TFDP2: variants seen among roughly 807,000 people sequenced by gnomAD.
TFDP2 encodes transcription factor Dp-2, also known as transcription factor Dp-2 (E2F dimerization partner 2).
A neutral mutation model predicts 59.3 loss-of-function variants in TFDP2; 17 were observed. That is an observed-to-expected ratio of 0.29 (90% CI 0.20 to 0.43). The LOEUF (loss-of-function observed/expected upper bound fraction) is 0.43, where lower values mean the gene tolerates loss of function less well. Ranked by LOEUF, TFDP2 falls within the 20% of genes least tolerant of loss-of-function variation. The pLI is 1.00. For synonymous variants in TFDP2, 180 were observed against 194.7 expected, an observed-to-expected ratio of 0.92 and a Z score of 0.63; for missense variants, 391 against 528.8, an observed-to-expected ratio of 0.74 and a Z score of 2.56.
chr3:142,080,546 C>T (rs1160994654), intron 3 of TFDP2, among the ~76,000 whole-genome samples: 2 of 152,092 alleles, frequency 1.3e-5, no homozygotes, highest in Non-Finnish European at 2.9e-5. Context: ...AATCAAAAGA[C>T]ATAGAGTGGC....
intron 1 of TFDP2, among the ~76,000 whole-genome samples, chr3:142,148,635 G>A (rs1453203020): frequency 1.3e-5 from 2 of 152,122 alleles, no homozygotes; most frequent in East Asian, 3.8e-4. Flanking sequence ...CGAGATCCTA[G>A]GAAAACCCTT....
chr3:141,969,201 T>TATAA (rs1233101755), intron 9 of TFDP2, among the ~76,000 whole-genome samples: 1 of 91,478 alleles, frequency 1.1e-5, no homozygotes, highest in East Asian at 2.7e-4. Context: ...GATATATATA[T>TATAA]ATAACATATA....
At chr3:142,135,965 T>G (rs959767560) in intron 1 of TFDP2, among the ~76,000 whole-genome samples, 1 of 152,102 alleles carries the variant, frequency 6.6e-6, no homozygotes, top group African/African-American at 2.4e-5. Flanking sequence ...TTCTAGATCC[T>G]TGAGGAATCG....
chr3:142,083,411 T>A (rs2060706719), intron 3 of TFDP2, among the ~76,000 whole-genome samples: 1 of 152,168 alleles, frequency 6.6e-6, no homozygotes, highest in Non-Finnish European at 1.5e-5. Context: ...ATCAGTATTG[T>A]TAAAATGTCC....
chr3:142,051,495 C>T (rs1044043649), intron 3 of TFDP2, among the ~76,000 whole-genome samples: 5 of 151,430 alleles, frequency 3.3e-5, no homozygotes, highest in African/African-American at 4.9e-5. Flanking sequence ...TGCACTTCAG[C>T]CTGGGAGACA....
At position 142,046,738 on chromosome 3, in the gene TFDP2, C is replaced by T. The variant is rs574569831; in HGVS notation, c.83-41194G>A. Reference sequence around the variant, plus strand: ...GGGATCAATCTTCATTTCTACTCATCGAAATTCCTCCTGTTGCCTGGCACA... The same window carrying T: ...GGGATCAATCTTCATTTCTACTCATTGAAATTCCTCCTGTTGCCTGGCACA... On this transcript the variant is annotated intron_variant, in intron 3 of 12. Coordinates refer to ENST00000489671, the MANE Select transcript of TFDP2 (RefSeq NM_001178139.2). Among the ~76,000 whole-genome samples the T allele has an allele frequency of 7.9e-5, 12 of 152,258 alleles. No homozygotes were observed. The East Asian group carries it at 1.9e-3, about 25-fold the overall frequency.
chr3:142,113,764 G>A (rs972728826), intron 1 of TFDP2, among the ~76,000 whole-genome samples: 5 of 152,078 alleles, frequency 3.3e-5, no homozygotes, highest in Non-Finnish European at 7.3e-5. Context: ...TGCTTATTTA[G>A]AATACGACTG....
rs1386121300 is a variant in TFDP2 at position 141,985,549 on chromosome 3, A to G, written c.357-6867T>C. 2.1e-5 allele frequency among the ~76,000 whole-genome samples: 3 copies of G among 144,326 alleles called. No individual in the cohort carries two copies. The South Asian group carries it at 6.7e-4, about 32-fold the overall frequency. The allele number at this position is 144,326 out of a possible 152,430, so 94.7% of individuals were successfully genotyped here. ...AAAAAAAAAAAAAAAAAAAACACCT[A>G]TTTTTTCTTCATAGATTTTCTATAT... On this transcript the variant is annotated intron_variant, in intron 6 of 12. Coordinates refer to ENST00000489671, the MANE Select transcript of TFDP2 (RefSeq NM_001178139.2).
chr3:142,148,764 A>G (rs945996939), intron 1 of TFDP2, among the ~76,000 whole-genome samples: 16 of 152,232 alleles, frequency 1.1e-4, no homozygotes, highest in African/African-American at 3.1e-4. Context: ...GGTTCTTCCA[A>G]GCACACAAAG....
At chr3:142,084,788 G>T (rs2060755028) in intron 3 of TFDP2, among the ~76,000 whole-genome samples, 1 of 152,078 alleles carries the variant, frequency 6.6e-6, no homozygotes, top group African/African-American at 2.4e-5. Flanking sequence ...TGAACACGTG[G>T]AGACAGAAAA....
chr3:142,018,304 T>C (rs1945303160), intron 3 of TFDP2, among the ~76,000 whole-genome samples: 1 of 152,198 alleles, frequency 6.6e-6, no homozygotes, highest in Non-Finnish European at 1.5e-5. Context: ...GTCTATTTAT[T>C]GAGCTCCTGA....
At chr3:142,117,722 T>G (rs2061893702) in intron 1 of TFDP2, among the ~76,000 whole-genome samples, 1 of 152,162 alleles carries the variant, frequency 6.6e-6, no homozygotes, top group South Asian at 2.1e-4. Flanking sequence ...ACAGTGCTTC[T>G]GGGGGAGAAC....
intron 3 of TFDP2, among the ~76,000 whole-genome samples, chr3:142,065,161 T>C (rs944266635): frequency 3.9e-5 from 6 of 152,244 alleles, no homozygotes; most frequent in Admixed American, 3.9e-4. Context: ...AAGATTTTTT[T>C]TTTTTTGAGA....
At position 142,005,432 on chromosome 3, in the gene TFDP2, T is replaced by C. The variant is rs372114336; in HGVS notation, c.186+9A>G. On this transcript the variant is annotated intron_variant, in intron 4 of 12. Transcript: ENST00000489671. ...AAGTTTCAATTCTAAGATTTGATAA[T>C]TTTCTTACCATTTGGGGTCCAACAT... The C allele has an allele frequency of 1.9e-6, 3 of 1,572,614 alleles. No individual in the cohort carries two copies. Among genetic ancestry groups the C allele is most frequent in the South Asian group, 1.1e-5 (1 of 87,504 alleles).
intron 3 of TFDP2, among the ~76,000 whole-genome samples, chr3:142,012,766 T>C (rs1944821784): frequency 6.6e-6 from 1 of 152,130 alleles, no homozygotes; most frequent in Non-Finnish European, 1.5e-5. Context: ...ATGAGTAGCA[T>C]GGAGGAAGCA....
At chr3:141,979,036 G>A (rs1345527837) in intron 6 of TFDP2, among the ~76,000 whole-genome samples, 1 of 152,138 alleles carries the variant, frequency 6.6e-6, no homozygotes, top group African/African-American at 2.4e-5. Flanking sequence ...CCTACTCTAT[G>A]TAGATTATAG....
chr3:142,053,486 C>T (rs1947748854), intron 3 of TFDP2, among the ~76,000 whole-genome samples: 1 of 152,200 alleles, frequency 6.6e-6, no homozygotes, highest in Non-Finnish European at 1.5e-5. Flanking sequence ...CCTGTACAGC[C>T]TGCAGAACCA....
At chr3:142,007,995 C>T (rs899583725) in intron 3 of TFDP2, among the ~76,000 whole-genome samples, 1 of 152,174 alleles carries the variant, frequency 6.6e-6, no homozygotes, top group Admixed American at 6.5e-5. Flanking sequence ...TTGGGGACCC[C>T]TGCTTTATGC....
At chr3:142,117,364 A>G (rs2061883405) in intron 1 of TFDP2, among the ~76,000 whole-genome samples, 1 of 152,106 alleles carries the variant, frequency 6.6e-6, no homozygotes, top group Non-Finnish European at 1.5e-5. Context: ...CATCAACATT[A>G]GCACTGCTAG....
Sources: allele counts gnomAD v4.1 joint callset (sites outside exome capture counted in the v4.1 genomes callset), GRCh38; gene constraint gnomAD v4.1.1; transcripts MANE v1.5; gene names NCBI Gene and HGNC (gene_info 2026-07-23, HGNC 2026-07-21).